The following ATP11A variants were observed in gnomAD, a reference collection of about 807,000 sequenced individuals.
ATP11A encodes phospholipid-transporting ATPase IH.
Under a neutral mutation model 154.4 loss-of-function variants are expected in ATP11A, and 81 were observed. The ratio of observed to expected loss-of-function variants is 0.52; its 90% confidence interval spans 0.44 to 0.63. The LOEUF (loss-of-function observed/expected upper bound fraction) is 0.63, where lower values mean the gene tolerates loss of function less well. Among genes scored for constraint, ATP11A ranks in the 30% least tolerant of loss-of-function variants. The pLI, the probability that ATP11A is intolerant of heterozygous loss-of-function variation, is 0.00. For synonymous variants in ATP11A, 623 were observed against 585.9 expected (o/e 1.06, Z -0.91); for missense variants, 1,316 against 1,474.3 (o/e 0.89, Z 1.76).
chr13:112,752,585 G>T (rs542609327), intron 1 of ATP11A, among the ~76,000 whole-genome samples: 1 of 152,194 alleles, frequency 6.6e-6, no homozygotes, highest in Non-Finnish European at 1.5e-5. Flanking sequence ...CCGTCTGACG[G>T]GTTGTGTATT....
chr13:112,838,443 T>TG lies in ATP11A; in HGVS notation c.1705+2193dup, dbSNP rs112554290. ...AGCCGTGGCTGGAACATGCTGCCCG[T>TG]GACCTGCGGGGCTGACCACGGTGCC... On this transcript the variant is annotated intron_variant, in intron 16 of 29. Transcript: ENST00000375645. The surrounding 1 kb of genome is among the most constrained non-coding windows in gnomAD (Gnocchi z 7.3). Among the ~76,000 whole-genome samples, 1,341 of 152,210 alleles carry TG rather than the reference T, an allele frequency of 8.8e-3. 21 individuals are homozygous for TG. Among genetic ancestry groups the TG allele is most frequent in the African/African-American group, 0.03 (1,240 of 41,530 alleles).
intron 1 of ATP11A, among the ~76,000 whole-genome samples, chr13:112,699,240 G>A (rs527347157): frequency 3.3e-5 from 5 of 152,318 alleles, no homozygotes; most frequent in African/African-American, 9.6e-5. Context: ...CAAGGATAAA[G>A]ACCACTTAGA....
intron 1 of ATP11A, among the ~76,000 whole-genome samples, chr13:112,768,771 C>T (rs2077157772): frequency 6.6e-6 from 1 of 152,174 alleles, no homozygotes. Flanking sequence ...TCCCGCTGGG[C>T]TCGTGGGTGA....
intron 7 of ATP11A, 58 bp from the exon 8 acceptor site, chr13:112,819,842 G>A (rs1290182630): frequency 3.8e-6 from 6 of 1,597,258 alleles, no homozygotes; most frequent in East Asian, 4.5e-5. Flanking sequence ...GGCCAGGCGC[G>A]CGCTTCCCGG....
At chr13:112,810,098 C>T (rs980484095) in intron 4 of ATP11A, among the ~76,000 whole-genome samples, 13 of 152,198 alleles carry the variant, frequency 8.5e-5, no homozygotes, top group Non-Finnish European at 1.0e-4. Context: ...GGCGTTTCAC[C>T]GAGAGTCTGG....
chr13:112,836,768 G>A (rs983359136), intron 16 of ATP11A, among the ~76,000 whole-genome samples: 1 of 152,246 alleles, frequency 6.6e-6, no homozygotes, highest in Non-Finnish European at 1.5e-5. Context: ...CGGAATGCTG[G>A]GATGAGCAGT....
At chr13:112,724,687 C>T (rs1194593283) in intron 1 of ATP11A, among the ~76,000 whole-genome samples, 8 of 151,836 alleles carry the variant, frequency 5.3e-5, no homozygotes, top group South Asian at 4.1e-4. Context: ...GGGGTGAGGC[C>T]GGCCCCCCCC....
chr13:112,765,782 C>CT (rs1284710465), intron 1 of ATP11A, among the ~76,000 whole-genome samples: 1 of 152,248 alleles, frequency 6.6e-6, no homozygotes, highest in Non-Finnish European at 1.5e-5. Flanking sequence ...TACAGTGGAT[C>CT]TGAAAGATGC....
intron 1 of ATP11A, among the ~76,000 whole-genome samples, chr13:112,713,239 A>G (rs1050961638): frequency 6.6e-6 from 1 of 152,198 alleles, no homozygotes; most frequent in Non-Finnish European, 1.5e-5. Flanking sequence ...TACTAAAAAT[A>G]CAAAAATTTG....
At chr13:112,796,875 G>A (rs979650451) in intron 2 of ATP11A, among the ~76,000 whole-genome samples, 3 of 152,088 alleles carry the variant, frequency 2.0e-5, no homozygotes, top group Non-Finnish European at 2.9e-5. Context: ...CAAAGGACCC[G>A]TGACCTTGAG....
chr13:112,815,175 C>T (rs2078608684), intron 5 of ATP11A, among the ~76,000 whole-genome samples: 1 of 152,098 alleles, frequency 6.6e-6, no homozygotes, highest in Non-Finnish European at 1.5e-5. Flanking sequence ...CTTCCTCACC[C>T]TTCAGACACA....
At chr13:112,691,463 C>CAAAAA (rs34506401) in intron 1 of ATP11A, among the ~76,000 whole-genome samples, 2 of 84,372 alleles carry the variant, frequency 2.4e-5, no homozygotes, top group Non-Finnish European at 4.6e-5. Flanking sequence ...GACTCTGTAT[C>CAAAAA]AAAAAAAAAA....
chr13:112,718,572 C>T (rs1220249813), intron 1 of ATP11A, among the ~76,000 whole-genome samples: 1 of 152,176 alleles, frequency 6.6e-6, no homozygotes, highest in Non-Finnish European at 1.5e-5. Flanking sequence ...CAGCTACTTG[C>T]CACTTAGGTT....
intron 1 of ATP11A, among the ~76,000 whole-genome samples, chr13:112,731,755 AC>A (rs1201072817): frequency 1.3e-5 from 2 of 152,082 alleles, no homozygotes; most frequent in Non-Finnish European, 2.9e-5. Flanking sequence ...ACTTACAACA[AC>A]CTATGCTACG....
At position 112,862,392 on chromosome 13, in the gene ATP11A, G is replaced by A. The variant is rs201510153; in HGVS notation, c.2856-48G>A. ...CACCCCAGAGCCTGGGGGAGGTGCCGGGCCCTGATTCTCGAGGACACACGC... is the reference window on the plus strand; with the variant it reads ...CACCCCAGAGCCTGGGGGAGGTGCCAGGCCCTGATTCTCGAGGACACACGC... On this transcript the variant is annotated intron_variant, in intron 24 of 29. Coordinates refer to ENST00000375645, the MANE Select transcript of ATP11A (RefSeq NM_015205.3). 44 of 1,607,364 alleles carry A rather than the reference G, an allele frequency of 2.7e-5. No homozygotes were observed. In the East Asian group the frequency reaches 3.1e-4, roughly 11 times the overall value.
chr13:112,881,930 C>T lies in ATP11A; in HGVS notation c.*64C>T. The T allele has an allele frequency of 7.3e-7, 1 of 1,367,802 alleles. No homozygotes were observed. Among genetic ancestry groups the T allele is most frequent in the Non-Finnish European group, 9.8e-7 (1 of 1,021,986 alleles). The allele number at this position is 1,367,802 out of a possible 1,614,324, so 84.7% of individuals were successfully genotyped here. A position where few individuals can be genotyped will look rare whatever the true frequency, so the allele number is the denominator to read the frequency against. Reference sequence around the variant, plus strand: ...GGCCGCCTGGTACAGCTCCCACTCTCAGCAGGTGACACTCGCGGCCTGGAA... The same window carrying T: ...GGCCGCCTGGTACAGCTCCCACTCTTAGCAGGTGACACTCGCGGCCTGGAA... On this transcript the variant is annotated 3_prime_UTR_variant, in exon 30 of 30. Transcript: ENST00000375645.
intron 6 of ATP11A, 132 bp downstream of exon 6, chr13:112,816,343 G>A: frequency 2.6e-6 from 3 of 1,168,064 alleles, no homozygotes; most frequent in Non-Finnish European, 2.4e-6. Context: ...AGTTACACCA[G>A]CCATGTTTTT....
chr13:112,747,117 A>G (rs1467280705), intron 1 of ATP11A: 1 of 151,752 alleles, frequency 6.6e-6, no homozygotes, highest in African/African-American at 2.4e-5. Context: ...GGTGGTAGGG[A>G]TCACCCGTCT....
rs1331013070 is a variant in ATP11A at position 112,697,423 on chromosome 13, G to C, written c.39+6968G>C. On this transcript the variant is annotated intron_variant, in intron 1 of 29. Transcript: ENST00000375645. This position sits in a 1 kb window ranked among gnomAD's most constrained non-coding sequence, Gnocchi z 4.0. The stretch of plus-strand genomic sequence containing the variant: ...CCAACACCGAGACCCCAGGTCATTA[G>C]TGTTAATCAGAGTGATGAAGAGGTT... 2.6e-5 allele frequency among the ~76,000 whole-genome samples: 4 copies of C among 152,130 alleles called. No individual in the cohort carries two copies. The highest frequency in any genetic ancestry group is 9.7e-5 in the African/African-American group (4 of 41,422).
Sources: gnomAD v4.1 joint callset for allele counts (sites outside exome capture counted in the v4.1 genomes callset) on GRCh38, gnomAD v4.1.1 for gene constraint, Gnocchi (gnomAD v3.1) non-coding constraint, MANE v1.5 for transcripts, NCBI Gene and HGNC (gene_info 2026-07-23, HGNC 2026-07-21) for gene names.